Variants in JAKMIP1 observed in about 807,000 individuals in gnomAD.
JAKMIP1 encodes the protein janus kinase and microtubule-interacting protein 1.
JAKMIP1 carries 33 observed loss-of-function variants against 113.0 expected under a neutral mutation model. The ratio of observed to expected loss-of-function variants is 0.29; its 90% CI spans 0.22 to 0.39. The LOEUF is 0.39. Among genes scored for constraint, JAKMIP1 ranks in the 10% least tolerant of loss-of-function variants. The probability of loss-of-function intolerance (pLI) is 1.00; values close to 1 mark genes in which losing one functional copy is unlikely to be tolerated. For synonymous variants in JAKMIP1, 480 were observed against 459.9 expected (o/e 1.04, Z -0.56); for missense variants, 813 against 1,080.5 (o/e 0.75, Z 3.47).
chr4:6,154,803 C>A lies in JAKMIP1; in HGVS notation c.-147-41806G>T, dbSNP rs1158970140. On this transcript the variant is annotated intron_variant, in intron 1 of 20. Coordinates refer to ENST00000409021, the MANE Select transcript of JAKMIP1 (RefSeq NM_001099433.2). The surrounding 1 kb of genome is among the most constrained non-coding windows in gnomAD (Gnocchi z 4.2). ...AAACATCCTGTTCTGCCTTTGTATC[C>A]AGTGGACAGTCCTTCCTTCCTCCTC... Among the ~76,000 whole-genome samples, 1 of 152,160 alleles carries A rather than the reference C, an allele frequency of 6.6e-6. No individual in the cohort carries two copies. The highest frequency in any genetic ancestry group is 2.4e-5 in the African/African-American group (1 of 41,432).
At position 6,049,269 on chromosome 4, in the gene JAKMIP1, CA is replaced by C. The variant is rs1010044056; in HGVS notation, c.1963-348del. On this transcript the variant is annotated intron_variant, in intron 15 of 20. Coordinates refer to ENST00000409021, the MANE Select transcript of JAKMIP1 (RefSeq NM_001099433.2). This position sits in a 1 kb window ranked among gnomAD's most constrained non-coding sequence, Gnocchi z 7.0. ...CAGGCTGGTCTCGAACTCCTGACCT[CA>C]GGTGATCCGCCAGCCTCAGCCTTCC... Among the ~76,000 whole-genome samples the C allele has an allele frequency of 1.3e-5, 2 of 152,176 alleles. No homozygotes were observed. The highest frequency in any genetic ancestry group is 4.8e-5 in the African/African-American group (2 of 41,442).
At chr4:6,046,761 G>T (rs1715052040) in intron 16 of JAKMIP1, among the ~76,000 whole-genome samples, 1 of 152,216 alleles carries the variant, frequency 6.6e-6, no homozygotes, top group Non-Finnish European at 1.5e-5. Context: ...GACCTAAGGT[G>T]CAGGCCTGGA....
At position 6,089,360 on chromosome 4, in the gene JAKMIP1, G is replaced by A. The variant is rs1028828954; in HGVS notation, c.625-3731C>T. Among the ~76,000 whole-genome samples the A allele has an allele frequency of 3.9e-5, 6 of 152,232 alleles. No individual in the cohort carries two copies. Among genetic ancestry groups the A allele is most frequent in the Admixed American group, 3.3e-4 (5 of 15,284 alleles). On this transcript the variant is annotated intron_variant, in intron 3 of 20. Transcript: ENST00000409021. The surrounding 1 kb of genome is among the most constrained non-coding windows in gnomAD (Gnocchi z 5.3). ...AAAGAATCACAATCAACAGAGTTCA[G>A]GGAAGAACGACAAACTTGATGTTGG...
Position 6,080,984 on chromosome 4 carries a change from T to C in JAKMIP1, c.1101+625A>G, listed in dbSNP as rs1222421094. ...GGAGAGGACTTCACACAACAGCAAT[T>C]ACACACACACACACACACACACACA... On this transcript the variant is annotated intron_variant, in intron 6 of 20. Coordinates refer to ENST00000409021, the MANE Select transcript of JAKMIP1 (RefSeq NM_001099433.2). This position sits in a 1 kb window ranked among gnomAD's most constrained non-coding sequence, Gnocchi z 6.0. Among the ~76,000 whole-genome samples, 11 of 141,068 alleles carry C rather than the reference T, an allele frequency of 7.8e-5. No individual in the cohort carries two copies. The South Asian group carries it at 9.4e-4, about 12-fold the overall frequency. 92.5% of individuals were successfully genotyped at this position (141,068 alleles called of 152,430 possible).
At position 6,093,488 on chromosome 4, in the gene JAKMIP1, A is replaced by G. The variant is rs1722370300; in HGVS notation, c.625-7859T>C. Among the ~76,000 whole-genome samples the G allele has an allele frequency of 1.3e-5, 2 of 152,228 alleles. No individual in the cohort carries two copies. The highest frequency in any genetic ancestry group is 4.8e-5 in the African/African-American group (2 of 41,466). ...GCTCCCATTAAACTGATTGTTTACT[A>G]TTAACATGCAGCAATTAGCAGCGAG... On this transcript the variant is annotated intron_variant, in intron 3 of 20. Coordinates refer to ENST00000409021, the MANE Select transcript of JAKMIP1 (RefSeq NM_001099433.2). This position sits in a 1 kb window ranked among gnomAD's most constrained non-coding sequence, Gnocchi z 4.6.
intron 3 of JAKMIP1, among the ~76,000 whole-genome samples, chr4:6,098,252 G>A (rs1303739680): frequency 1.3e-5 from 2 of 152,158 alleles, no homozygotes; most frequent in African/African-American, 4.8e-5. Flanking sequence ...CCAACATGGC[G>A]AAGCCCTGTC....
rs1033377763 is a variant in JAKMIP1, at chr4:6,180,213, C to A, written c.-148+20040G>T. On this transcript the variant is annotated intron_variant, in intron 1 of 20. Transcript: ENST00000409021. The surrounding 1 kb of genome is among the most constrained non-coding windows in gnomAD (Gnocchi z 4.5). ...AAAACCACCAACTTCAATTCCCCACCAAACATACCCACAAACAGAAATAAT... is the reference window on the plus strand; with the variant it reads ...AAAACCACCAACTTCAATTCCCCACAAAACATACCCACAAACAGAAATAAT... Among the ~76,000 whole-genome samples, 31 of 152,182 alleles carry A rather than the reference C, an allele frequency of 2.0e-4. No individual in the cohort carries two copies. Among genetic ancestry groups the A allele is most frequent in the African/African-American group, 6.5e-4 (27 of 41,436 alleles).
chr4:6,073,163 C>T (rs1005229339), intron 8 of JAKMIP1, among the ~76,000 whole-genome samples: 4 of 151,892 alleles, frequency 2.6e-5, no homozygotes, highest in African/African-American at 7.3e-5. Flanking sequence ...TCCTTCCCTC[C>T]AGCAGGCAGC....
At chr4:6,113,927 T>G (rs1202855607) in intron 1 of JAKMIP1, among the ~76,000 whole-genome samples, 1 of 148,920 alleles carries the variant, frequency 6.7e-6, no homozygotes, top group African/African-American at 2.4e-5. Context: ...GCCAGGTGCG[T>G]GAATGAATGA....
chr4:6,170,076 A>G (rs1578449670), intron 1 of JAKMIP1, among the ~76,000 whole-genome samples: 2 of 30,328 alleles, frequency 6.6e-5, no homozygotes, highest in Admixed American at 9.2e-4. Flanking sequence ...CATCATTACC[A>G]CTCCACCACC....
intron 3 of JAKMIP1, among the ~76,000 whole-genome samples, chr4:6,105,020 T>C (rs1713667708): frequency 6.6e-6 from 1 of 152,206 alleles, no homozygotes; most frequent in Non-Finnish European, 1.5e-5. Flanking sequence ...CCTTTGGAAT[T>C]TTAGTTCATC....
chr4:6,128,344 G>A (rs1039500910), intron 1 of JAKMIP1, among the ~76,000 whole-genome samples: 2 of 152,198 alleles, frequency 1.3e-5, no homozygotes, highest in East Asian at 1.9e-4. Flanking sequence ...GGCAAGGGAA[G>A]TGTCCCCACA....
rs1713927072 is a variant in JAKMIP1, at chr4:6,106,249, T to G, written c.130-282A>C. 1.3e-5 allele frequency among the ~76,000 whole-genome samples: 2 copies of G among 152,194 alleles called. No individual in the cohort carries two copies. Among genetic ancestry groups the G allele is most frequent in the African/African-American group, 4.8e-5 (2 of 41,450 alleles). Reference sequence around the variant, plus strand: ...CAAGCCTTTGACATCTCTTCCAGGTTGTAAATTGAGACGACTGCTCAATCA... The same window carrying G: ...CAAGCCTTTGACATCTCTTCCAGGTGGTAAATTGAGACGACTGCTCAATCA... On this transcript the variant is annotated intron_variant, in intron 2 of 20. Transcript: ENST00000409021. This position sits in a 1 kb window ranked among gnomAD's most constrained non-coding sequence, Gnocchi z 5.9.
intron 1 of JAKMIP1, among the ~76,000 whole-genome samples, chr4:6,131,079 C>T (rs1041138142): frequency 6.9e-6 from 1 of 144,782 alleles, no homozygotes; most frequent in East Asian, 2.1e-4. Context: ...GGAGGATCAC[C>T]CGGGCTCAGG....
rs566507615 is a variant in JAKMIP1, at chr4:6,179,938, C to T, written c.-148+20315G>A. Among the ~76,000 whole-genome samples, 20 of 152,292 alleles carry T rather than the reference C, an allele frequency of 1.3e-4. No individual in the cohort carries two copies. Among genetic ancestry groups the T allele is most frequent in the African/African-American group, 4.6e-4 (19 of 41,546 alleles). Reference sequence around the variant, plus strand: ...GGTCTCTCTGAATCTAAGACCAGTTCCCAGCTGCCCAAAGAACTGTGTCTG... The same window carrying T: ...GGTCTCTCTGAATCTAAGACCAGTTTCCAGCTGCCCAAAGAACTGTGTCTG... On this transcript the variant is annotated intron_variant, in intron 1 of 20. Coordinates refer to ENST00000409021, the MANE Select transcript of JAKMIP1 (RefSeq NM_001099433.2). This position sits in a 1 kb window ranked among gnomAD's most constrained non-coding sequence, Gnocchi z 4.5.
Position 6,064,632 on chromosome 4 carries a change from T to TGG in JAKMIP1, c.1431+246_1431+247dup, listed in dbSNP as rs1717790538. Among the ~76,000 whole-genome samples the TGG allele has an allele frequency of 3.3e-5, 5 of 152,016 alleles. No individual in the cohort carries two copies. In the South Asian group the frequency reaches 1.0e-3, roughly 32 times the overall value. ...ACTTGGCAGCCACAGATTTCCTTGGTGGGGAAATCAGTGCTGGGGAAAGAA... is the reference window on the plus strand; with the variant it reads ...ACTTGGCAGCCACAGATTTCCTTGGTGGGGGGAAATCAGTGCTGGGGAAAGAA... On this transcript the variant is annotated intron_variant, in intron 9 of 20. Coordinates refer to ENST00000409021, the MANE Select transcript of JAKMIP1 (RefSeq NM_001099433.2). This position sits in a 1 kb window ranked among gnomAD's most constrained non-coding sequence, Gnocchi z 4.3.
Position 6,089,369 on chromosome 4 carries a change from G to A in JAKMIP1, c.625-3740C>T, listed in dbSNP as rs954647003. ...CAATCAACAGAGTTCAGGGAAGAAC[G>A]ACAAACTTGATGTTGGCTATCACTC... is the stretch of plus-strand genomic sequence containing the variant. On this transcript the variant is annotated intron_variant, in intron 3 of 20. Coordinates refer to ENST00000409021, the MANE Select transcript of JAKMIP1 (RefSeq NM_001099433.2). This position sits in a 1 kb window ranked among gnomAD's most constrained non-coding sequence, Gnocchi z 5.3. Among the ~76,000 whole-genome samples the A allele has an allele frequency of 5.3e-5, 8 of 152,226 alleles. No homozygotes were observed. The highest frequency in any genetic ancestry group is 1.9e-4 in the East Asian group (1 of 5,190).
chr4:6,039,615 C>T (rs758103712), intron 18 of JAKMIP1, among the ~76,000 whole-genome samples: 10 of 152,112 alleles, frequency 6.6e-5, no homozygotes, highest in Non-Finnish European at 1.0e-4. Flanking sequence ...ACTGAAATGT[C>T]GTGTAACCAG....
chr4:6,037,475 G>A (rs1409482012), intron 18 of JAKMIP1, among the ~76,000 whole-genome samples: 1 of 134,822 alleles, frequency 7.4e-6, no homozygotes, highest in Non-Finnish European at 1.6e-5. Flanking sequence ...CTGAGGCAGA[G>A]GCTAACCGGT....
Sources: gnomAD v4.1 joint callset for allele counts (sites outside exome capture counted in the v4.1 genomes callset) on GRCh38, gnomAD v4.1.1 for gene constraint, Gnocchi (gnomAD v3.1) non-coding constraint, MANE v1.5 for transcripts, NCBI Gene and HGNC (gene_info 2026-07-23, HGNC 2026-07-21) for gene names.